Variants in PRKN observed in about 807,000 individuals in gnomAD.
PRKN encodes E3 ubiquitin-protein ligase parkin.
A neutral mutation model predicts 59.5 loss-of-function variants in PRKN; 56 were observed. The ratio of observed to expected loss-of-function variants is 0.94; its 90% CI spans 0.76 to 1.18. PRKN has a LOEUF of 1.18. Among genes scored for constraint, PRKN ranks in the 50% most tolerant of loss-of-function variants. The probability of loss-of-function intolerance (pLI) is 0.00; values close to 1 mark genes in which losing one functional copy is unlikely to be tolerated. For synonymous variants in PRKN, 250 were observed against 222.1 expected, an observed-to-expected ratio of 1.13 and a Z score of -1.12; for missense variants, 657 against 596.4, an observed-to-expected ratio of 1.10 and a Z score of -1.06.
intron 1 of PRKN, among the ~76,000 whole-genome samples, chr6:162,516,763 GAAAA>G (rs10707457): frequency 7.3e-6 from 1 of 136,880 alleles, no homozygotes; most frequent in Non-Finnish European, 1.6e-5. Flanking sequence ...ACTCTACCAT[GAAAA>G]AAAAAAAAAA....
intron 1 of PRKN, among the ~76,000 whole-genome samples, chr6:162,696,824 G>A (rs1358059465): frequency 6.6e-6 from 1 of 152,002 alleles, no homozygotes; most frequent in Non-Finnish European, 1.5e-5. Flanking sequence ...GGGACTAGAG[G>A]TATGAGCTAC....
chr6:162,644,127 G>A (rs1446475828), intron 1 of PRKN, among the ~76,000 whole-genome samples: 1 of 152,086 alleles, frequency 6.6e-6, no homozygotes, highest in East Asian at 1.9e-4. Context: ...TGGCAATGGA[G>A]ATGCACAAGT....
chr6:162,296,412 C>T (rs2128111261), intron 2 of PRKN, among the ~76,000 whole-genome samples: 1 of 152,184 alleles, frequency 6.6e-6, no homozygotes, highest in East Asian at 1.9e-4. Flanking sequence ...ACTCATATCA[C>T]TCATCTCCTT....
chr6:162,034,180 T>TAG (rs1417118689), intron 5 of PRKN, among the ~76,000 whole-genome samples: 6 of 122,812 alleles, frequency 4.9e-5, no homozygotes, highest in Non-Finnish European at 8.1e-5. Flanking sequence ...TATATATATA[T>TAG]ATATATAGAG....
intron 7 of PRKN, among the ~76,000 whole-genome samples, chr6:161,677,107 T>C (rs1310406369): frequency 6.6e-6 from 1 of 152,196 alleles, no homozygotes; most frequent in African/African-American, 2.4e-5. Flanking sequence ...CCCAGATGCC[T>C]TTCACTAAGG....
In PRKN at chr6:161,352,726, A is replaced by AGT. The variant is rs373703677; in HGVS notation, c.1286-2517_1286-2516dup. ...TATATAAACACAAATATGTATGAAG[A>AGT]GTGTGTGTGTGTGTGTGTGTGTGTG... On this transcript the variant is annotated intron_variant, in intron 11 of 11. Transcript: ENST00000366898. The surrounding 1 kb of genome is among the most constrained non-coding windows in gnomAD (Gnocchi z 5.8). 0.027 allele frequency among the ~76,000 whole-genome samples: 3,504 copies of AGT among 128,468 alleles called. 53 individuals are homozygous for AGT. Among genetic ancestry groups the AGT allele is most frequent in the African/African-American group, 0.054 (1,779 of 32,868 alleles). The allele number at this position is 128,468 out of a possible 152,430, so 84.3% of individuals were successfully genotyped here. A position where few individuals can be genotyped will look rare whatever the true frequency, so the allele number is the denominator to read the frequency against.
chr6:161,873,665 GT>G (rs1794438355), intron 6 of PRKN, among the ~76,000 whole-genome samples: 1 of 151,674 alleles, frequency 6.6e-6, no homozygotes, highest in Admixed American at 6.6e-5. Flanking sequence ...CAGTTGAGGC[GT>G]TTGATTGTAG....
At chr6:162,708,166 G>A (rs1002277594) in intron 1 of PRKN, among the ~76,000 whole-genome samples, 18 of 152,106 alleles carry the variant, frequency 1.2e-4, no homozygotes, top group Admixed American at 3.9e-4. Context: ...AAAAAGAATG[G>A]TTACTATGTT....
rs921804093 is a variant in PRKN at position 161,460,212 on chromosome 6, T to C, written c.1084-73335A>G. Among the ~76,000 whole-genome samples the C allele has an allele frequency of 1.3e-5, 2 of 152,238 alleles. No homozygotes were observed. Among genetic ancestry groups the C allele is most frequent in the Non-Finnish European group, 2.9e-5 (2 of 68,042 alleles). ...AATAGGAATATAATCCGTGTTATTT[T>C]AGGATGTCACAGAGGTTGCAACAAA... On this transcript the variant is annotated intron_variant, in intron 9 of 11. Coordinates refer to ENST00000366898, the MANE Select transcript of PRKN (RefSeq NM_004562.3). This position sits in a 1 kb window ranked among gnomAD's most constrained non-coding sequence, Gnocchi z 5.0.
chr6:162,266,108 A>G (rs1457787389), intron 2 of PRKN, among the ~76,000 whole-genome samples: 1 of 152,160 alleles, frequency 6.6e-6, no homozygotes, highest in African/African-American at 2.4e-5. Context: ...GTGGAGAATT[A>G]GCACCCTAGC....
intron 5 of PRKN, among the ~76,000 whole-genome samples, chr6:161,973,922 G>T (rs1219956847): frequency 6.6e-6 from 1 of 152,182 alleles, no homozygotes; most frequent in East Asian, 1.9e-4. Flanking sequence ...AATTGAGAGA[G>T]CCCTACTGTA....
intron 2 of PRKN, among the ~76,000 whole-genome samples, chr6:162,409,290 G>C (rs1788229809): frequency 6.6e-6 from 1 of 151,548 alleles, no homozygotes; most frequent in South Asian, 2.1e-4. Context: ...TCAACCTCCT[G>C]AGTAGTTGGA....
chr6:162,450,007 C>T (rs1403262612), intron 1 of PRKN, among the ~76,000 whole-genome samples: 2 of 152,186 alleles, frequency 1.3e-5, no homozygotes, highest in South Asian at 4.1e-4. Flanking sequence ...CCAGCAGGCA[C>T]TTTGGTTGCA....
At chr6:161,572,438 G>T (rs899575889) in intron 7 of PRKN, among the ~76,000 whole-genome samples, 8 of 151,958 alleles carry the variant, frequency 5.3e-5, no homozygotes, top group Non-Finnish European at 1.5e-5. Flanking sequence ...GAGGCAGGAG[G>T]ATCACAAGGT....
At chr6:162,378,275 C>T (rs1786231599) in intron 2 of PRKN, among the ~76,000 whole-genome samples, 1 of 152,182 alleles carries the variant, frequency 6.6e-6, no homozygotes, top group African/African-American at 2.4e-5. Context: ...ATTTGGGTTT[C>T]AAGAATACTT....
intron 7 of PRKN, among the ~76,000 whole-genome samples, chr6:161,637,712 T>TAA (rs10602359): frequency 3.4e-5 from 5 of 147,842 alleles, no homozygotes; most frequent in Non-Finnish European, 6.0e-5. Context: ...CTTTTATCCT[T>TAA]AAAAAAAAAA....
At chr6:162,411,685 T>C (rs1230117414) in intron 2 of PRKN, among the ~76,000 whole-genome samples, 2 of 152,178 alleles carry the variant, frequency 1.3e-5, no homozygotes, top group Non-Finnish European at 2.9e-5. Flanking sequence ...TCTTTGAATA[T>C]AGTTATAATT....
At chr6:162,504,913 C>A (rs1299984905) in intron 1 of PRKN, among the ~76,000 whole-genome samples, 2 of 152,148 alleles carry the variant, frequency 1.3e-5, no homozygotes, top group Non-Finnish European at 2.9e-5. Context: ...AGGAGGTAAC[C>A]TGAAGAACCA....
intron 6 of PRKN, among the ~76,000 whole-genome samples, chr6:161,859,610 CAAAAAA>C (rs57747027): frequency 2.2e-5 from 2 of 90,358 alleles, no homozygotes; most frequent in Admixed American, 1.3e-4. Context: ...GACTCTCTCT[CAAAAAA>C]AAAAAAAAAA....
Sources: gnomAD v4.1 joint callset for allele counts (sites outside exome capture counted in the v4.1 genomes callset) on GRCh38, gnomAD v4.1.1 for gene constraint, Gnocchi (gnomAD v3.1) non-coding constraint, MANE v1.5 for transcripts, NCBI Gene and HGNC (gene_info 2026-07-23, HGNC 2026-07-21) for gene names.